The following MAPK9 variants were observed in gnomAD, a reference collection of about 807,000 sequenced individuals.
MAPK9 encodes the protein Jun kinase.
Under a neutral mutation model 57.1 loss-of-function variants are expected in MAPK9, and 30 were observed. That is an observed-to-expected ratio of 0.53 (90% confidence interval 0.39 to 0.71). The LOEUF (loss-of-function observed/expected upper bound fraction) is 0.71, where lower values mean the gene tolerates loss of function less well. MAPK9 is among the 30% of genes least tolerant of loss of function. MAPK9 has a pLI of 0.00. For synonymous variants in MAPK9, 155 were observed against 177.0 expected, an observed-to-expected ratio of 0.88 and a Z score of 0.99; for missense variants, 362 against 521.0, an observed-to-expected ratio of 0.69 and a Z score of 2.97.
intron 7 of MAPK9, among the ~76,000 whole-genome samples, chr5:180,243,921 G>A (rs1355952105): frequency 6.6e-6 from 1 of 152,092 alleles, no homozygotes; most frequent in Non-Finnish European, 1.5e-5. Context: ...GATCTCGGCT[G>A]ACTGCAACCT....
intron 1 of MAPK9, among the ~76,000 whole-genome samples, chr5:180,290,693 A>G (rs1467772444): frequency 1.3e-5 from 2 of 152,288 alleles, no homozygotes; most frequent in Non-Finnish European, 2.9e-5. Context: ...AAATAGAACA[A>G]GCTTCCATCT....
intron 2 of MAPK9, among the ~76,000 whole-genome samples, chr5:180,277,809 C>T (rs10060797): frequency 0.038 from 5,725 of 151,928 alleles, 362 homozygotes; most frequent in African/African-American, 0.12. Context: ...TTTTTTGAAA[C>T]GGGAATGTGC....
chr5:180,289,524 T>A (rs1259757198), intron 1 of MAPK9, among the ~76,000 whole-genome samples: 2 of 152,134 alleles, frequency 1.3e-5, no homozygotes, highest in African/African-American at 2.4e-5. Flanking sequence ...CAGGAAAGAA[T>A]CCTTATCTGG....
chr5:180,265,162 T>G (rs1760395981), intron 3 of MAPK9, among the ~76,000 whole-genome samples: 1 of 152,208 alleles, frequency 6.6e-6, no homozygotes, highest in Non-Finnish European at 1.5e-5. Context: ...CTCTGAAAAC[T>G]TAAATACTAC....
At chr5:180,289,588 A>G in intron 1 of MAPK9, among the ~76,000 whole-genome samples, 1 of 152,114 alleles carries the variant, frequency 6.6e-6, no homozygotes, top group Admixed American at 6.5e-5. Context: ...GAAACAGACT[A>G]CTTAGACTCC....
chr5:180,279,852 C>T (rs1401957333), intron 2 of MAPK9: 5 of 456,576 alleles, frequency 1.1e-5, no homozygotes, highest in South Asian at 6.2e-5. Context: ...AAGAGACTAA[C>T]GTTCAGGGTC....
At chr5:180,271,089 A>G (rs1207368514) in intron 2 of MAPK9, among the ~76,000 whole-genome samples, 1 of 152,212 alleles carries the variant, frequency 6.6e-6, no homozygotes, top group Non-Finnish European at 1.5e-5. Context: ...GAGGTAATGC[A>G]TATGTTAATT....
chr5:180,242,243 C>T (rs1322815605), intron 8 of MAPK9, among the ~76,000 whole-genome samples: 2 of 152,200 alleles, frequency 1.3e-5, no homozygotes, highest in African/African-American at 4.8e-5. Flanking sequence ...CATCGAACAA[C>T]TGTCACATCG....
chr5:180,264,577 T>C (rs1760331495), intron 4 of MAPK9, among the ~76,000 whole-genome samples: 1 of 152,216 alleles, frequency 6.6e-6, no homozygotes, highest in Non-Finnish European at 1.5e-5. Flanking sequence ...CTTTATCTGT[T>C]ATGAAGATGA....
At chr5:180,255,513 T>G (rs749861223) in intron 5 of MAPK9, among the ~76,000 whole-genome samples, 3 of 151,676 alleles carry the variant, frequency 2.0e-5, no homozygotes, top group Non-Finnish European at 4.4e-5. Context: ...AGATGCCTGA[T>G]GGAAGAGTTA....
At chr5:180,252,488 T>C (rs1052327816) in intron 5 of MAPK9, among the ~76,000 whole-genome samples, 5 of 152,130 alleles carry the variant, frequency 3.3e-5, no homozygotes, top group East Asian at 1.9e-4. Context: ...GAGGCTTCCA[T>C]GGTGGCCCTA....
rs1180687457 is a variant in MAPK9 at position 180,280,521 on chromosome 5, T to C, written c.41A>G (p.Gln14Arg). ...SKCDSQFYSVQVADSTFTVLK... is the reference protein window; with the variant it reads ...SKCDSQFYSVRVADSTFTVLK... ...GACAGTGAAGGTTGAGTCTGCCACT[T>C]GCACACTATAAAACTGACTGTCACA... Residue 14 changes from glutamine (Q) to arginine (R), a missense_variant, in exon 2 of 12, where the codon CAA (glutamine) becomes CGA (arginine). Around this residue, in one of 3 missense-constraint regions of MAPK9, gnomAD observed 36 missense variants for 38.0 expected, o/e 0.95. Coordinates refer to ENST00000452135, the MANE Select transcript of MAPK9 (RefSeq NM_002752.5). 1 of 1,614,240 alleles carries C rather than the reference T, an allele frequency of 6.2e-7. No homozygotes were observed. The highest frequency in any genetic ancestry group is 2.2e-5 in the East Asian group (1 of 44,884).
At chr5:180,260,237 G>T (rs1382599395) in intron 5 of MAPK9, among the ~76,000 whole-genome samples, 1 of 152,138 alleles carries the variant, frequency 6.6e-6, no homozygotes, top group Admixed American at 6.5e-5. Context: ...GGATGCCTTT[G>T]TTTCTCTCCG....
chr5:180,277,627 T>C (rs12519649), intron 2 of MAPK9, among the ~76,000 whole-genome samples: 20,215 of 152,124 alleles, frequency 0.13, 1,470 homozygotes, highest in South Asian at 0.23. Context: ...CCCCAAAGAA[T>C]CACTGACAGA....
chr5:180,247,875 A>T lies in MAPK9; in HGVS notation c.617-365T>A, dbSNP rs781343064. 1.2e-6 allele frequency: 2 copies of T among 1,614,000 alleles called. No individual in the cohort carries two copies. The highest frequency in any genetic ancestry group is 1.7e-6 in the Non-Finnish European group (2 of 1,180,010). On this transcript the variant is annotated intron_variant, in intron 6 of 11. Transcript: ENST00000452135. The surrounding 1 kb of genome is among the most constrained non-coding windows in gnomAD (Gnocchi z 4.5). ...GATACAGTCTCTTCCCGGGAACAGG[A>T]CTTTATGGAGGACCATTTCTGCCAT...
intron 3 of MAPK9, among the ~76,000 whole-genome samples, chr5:180,268,618 G>A (rs1184787893): frequency 6.6e-6 from 1 of 152,180 alleles, no homozygotes; most frequent in African/African-American, 2.4e-5. Flanking sequence ...ATGAGGTCAG[G>A]AGATCGAGAC....
chr5:180,289,010 G>T (rs1276859740), intron 1 of MAPK9, among the ~76,000 whole-genome samples: 1 of 152,184 alleles, frequency 6.6e-6, no homozygotes, highest in East Asian at 1.9e-4. Context: ...TTATTCTGAA[G>T]GAAAATTATG....
chr5:180,255,349 C>A (rs1759164407), intron 5 of MAPK9, among the ~76,000 whole-genome samples: 1 of 152,062 alleles, frequency 6.6e-6, no homozygotes, highest in African/African-American at 2.4e-5. Flanking sequence ...AGGAAACCCC[C>A]ACAAAATCAC....
At chr5:180,252,665 G>T (rs1273814532) in intron 5 of MAPK9, among the ~76,000 whole-genome samples, 2 of 152,190 alleles carry the variant, frequency 1.3e-5, no homozygotes, top group African/African-American at 2.4e-5. Flanking sequence ...CTCCGCTCCG[G>T]CTACACACTG....
Sources: allele counts gnomAD v4.1 joint callset (sites outside exome capture counted in the v4.1 genomes callset), GRCh38; gene constraint gnomAD v4.1.1; regional missense constraint gnomAD v4.1.1; non-coding constraint Gnocchi (gnomAD v3.1); transcripts MANE v1.5; gene names NCBI Gene and HGNC (gene_info 2026-07-23, HGNC 2026-07-21).